Variants in FMNL3 observed in about 807,000 individuals in gnomAD.
FMNL3 encodes formin-like protein 3.
A neutral mutation model predicts 119.6 loss-of-function variants in FMNL3; 57 were observed. That is an observed-to-expected ratio of 0.48 (90% CI 0.39 to 0.59). FMNL3 has a LOEUF of 0.59. FMNL3 is among the 20% of genes least tolerant of loss of function. The probability of loss-of-function intolerance (pLI) is 0.00; values close to 1 mark genes in which losing one functional copy is unlikely to be tolerated. For synonymous variants in FMNL3, 491 were observed against 507.3 expected (o/e 0.97, Z 0.43); for missense variants, 1,053 against 1,323.5 (o/e 0.80, Z 3.17).
At chr12:49,659,770 T>A in intron 5 of FMNL3, 1 of 985,360 alleles carries the variant, frequency 1.0e-6, no homozygotes, top group Non-Finnish European at 1.2e-6. Context: ...GATCACAAAC[T>A]CACAGGGACT....
In FMNL3 at chr12:49,642,612, T is replaced by TGAGCAGATCACCCTGGAGTCG. The variant is rs1942824699; in HGVS notation, c.*3182_*3202dup. The TGAGCAGATCACCCTGGAGTCG allele has an allele frequency of 6.2e-7, 1 of 1,614,106 alleles. No individual in the cohort carries two copies. ...AGCGTTTTGTGTGTGACTCAGCCTT[T>TGAGCAGATCACCCTGGAGTCG]GAGCAGATCACCCTGGAGTCGGAGC... is the stretch of plus-strand genomic sequence containing the variant. On this transcript the variant is annotated 3_prime_UTR_variant, in exon 26 of 26. Coordinates refer to ENST00000335154, the MANE Select transcript of FMNL3 (RefSeq NM_175736.5). The surrounding 1 kb of genome is among the most constrained non-coding windows in gnomAD (Gnocchi z 5.8).
Position 49,649,976 on chromosome 12 carries a change from C to T in FMNL3, c.2001-51G>A. On this transcript the variant is annotated intron_variant, in intron 17 of 25. Transcript: ENST00000335154. The surrounding 1 kb of genome is among the most constrained non-coding windows in gnomAD (Gnocchi z 5.6). ...AGTTCTCACATCTCTCCACGTTTTC[C>T]CTCATCCCTTTTATTCTCCAAGCTC... 6.6e-7 allele frequency: 1 copy of T among 1,505,846 alleles called. No homozygotes were observed. The highest frequency in any genetic ancestry group is 9.1e-7 in the Non-Finnish European group (1 of 1,101,726). The allele number at this position is 1,505,846 out of a possible 1,614,324, so 93.3% of individuals were successfully genotyped here.
chr12:49,651,257 G>T lies in FMNL3; in HGVS notation c.1708C>A (p.Arg570=). The T allele has an allele frequency of 6.2e-7, 1 of 1,613,290 alleles. No homozygotes were observed. The highest frequency in any genetic ancestry group is 2.2e-5 in the East Asian group (1 of 44,838). Residue 570 remains arginine, a synonymous_variant, in exon 16 of 26, where the codon CGG becomes AGG. Coordinates refer to ENST00000335154, the MANE Select transcript of FMNL3 (RefSeq NM_175736.5). ...GCTGTCCAGTTGAAGACAGGCAGCCGGAACTTGGTCTTGATAGGTTTCTTA... is the reference window on the plus strand; with the variant it reads ...GCTGTCCAGTTGAAGACAGGCAGCCTGAACTTGGTCTTGATAGGTTTCTTA... The part of the protein sequence containing the change: ...RIKKPIKTKF[R]LPVFNWTALK...
At chr12:49,701,225 A>G (rs992105099) in intron 1 of FMNL3, among the ~76,000 whole-genome samples, 2 of 152,166 alleles carry the variant, frequency 1.3e-5, no homozygotes, top group East Asian at 3.8e-4. Context: ...CACGTACATC[A>G]AAGTGTTAAT....
chr12:49,698,519 AC>A (rs146667735), intron 1 of FMNL3, among the ~76,000 whole-genome samples: 30,350 of 148,042 alleles, frequency 0.21, 5,100 homozygotes, highest in African/African-American at 0.47. Flanking sequence ...ACTGCTCCCC[AC>A]CCCCAAAAAA....
chr12:49,672,477 G>A (rs893833349), intron 1 of FMNL3, among the ~76,000 whole-genome samples: 3 of 152,220 alleles, frequency 2.0e-5, no homozygotes, highest in Non-Finnish European at 4.4e-5. Context: ...ATGGGAAGAA[G>A]CCGAAAGGCA....
chr12:49,646,899 C>T lies in FMNL3; in HGVS notation c.2982G>A (p.Glu994=), dbSNP rs1282150077. The T allele has an allele frequency of 6.2e-7, 1 of 1,613,902 alleles. No individual in the cohort carries two copies. The highest frequency in any genetic ancestry group is 8.5e-7 in the Non-Finnish European group (1 of 1,179,948). ...AAAGGGCCCCACCTGTGATGATGTC[C>T]TCGATGGTACCATCCTTCCCCTCAT... is the stretch of plus-strand genomic sequence containing the variant. The part of the protein sequence containing the change: ...PVYEGKDGTI[E]DIITGLHCQP... The change falls in exon 25 of 26, where the codon GAG becomes GAA. Residue 994 remains glutamate (E), a synonymous_variant. Transcript: ENST00000335154.
chr12:49,677,667 A>G lies in FMNL3; in HGVS notation c.127-9113T>C, dbSNP rs563079710. On this transcript the variant is annotated intron_variant, in intron 1 of 25. Transcript: ENST00000335154. ...GCTAGAATTTGGCGATATCAAAATA[A>G]ATAGGGTATGGTCACTACATTCAGA... Among the ~76,000 whole-genome samples, 14 of 152,306 alleles carry G rather than the reference A, an allele frequency of 9.2e-5. No individual in the cohort carries two copies. In the South Asian group the frequency reaches 1.2e-3, roughly 14 times the overall value.
In FMNL3 at chr12:49,681,201, CATTTT is replaced by C. The variant is rs1434557446; in HGVS notation, c.127-12652_127-12648del. Among the ~76,000 whole-genome samples, 5 of 152,228 alleles carry C rather than the reference CATTTT, an allele frequency of 3.3e-5. No homozygotes were observed. In the East Asian group the frequency reaches 7.7e-4, roughly 23 times the overall value. On this transcript the variant is annotated intron_variant, in intron 1 of 25. Coordinates refer to ENST00000335154, the MANE Select transcript of FMNL3 (RefSeq NM_175736.5). ...GTGACAAATTCTTACATCTGAGTAG[CATTTT>C]ATTTTATTTTTTGAGACGGAGTCTC...
intron 1 of FMNL3, among the ~76,000 whole-genome samples, chr12:49,705,197 G>C (rs959515207): frequency 6.6e-6 from 1 of 152,130 alleles, no homozygotes; most frequent in Admixed American, 6.5e-5. Context: ...CAGGCACACA[G>C]AAACAAGACC....
intron 1 of FMNL3, among the ~76,000 whole-genome samples, chr12:49,675,348 C>T (rs1012839537): frequency 2.0e-5 from 3 of 152,212 alleles, no homozygotes; most frequent in African/African-American, 2.4e-5. Context: ...TCCCCAGTTA[C>T]GCAGAATGGA....
chr12:49,687,113 G>A (rs1054400992), intron 1 of FMNL3, among the ~76,000 whole-genome samples: 2 of 58,852 alleles, frequency 3.4e-5, no homozygotes, highest in Non-Finnish European at 6.9e-5. Context: ...TTTTTTTTTT[G>A]AGACGGAGTC....
Position 49,646,934 on chromosome 12 carries a change from G to A in FMNL3, c.2947C>T (p.Arg983Trp), listed in dbSNP as rs764731297. 21 of 1,614,074 alleles carry A rather than the reference G, an allele frequency of 1.3e-5. No individual in the cohort carries two copies. Among genetic ancestry groups the A allele is most frequent in the African/African-American group, 2.7e-5 (2 of 75,026 alleles). Reference protein sequence around the residue: ...ELRRRQAKEHRPVYEGKDGTI... With the variant: ...ELRRRQAKEHWPVYEGKDGTI... Reference sequence around the variant, plus strand: ...CCATCCTTCCCCTCATAAACAGGCCGGTGTTCCTTGGCCTGGCGCCGCCTC... The same window carrying A: ...CCATCCTTCCCCTCATAAACAGGCCAGTGTTCCTTGGCCTGGCGCCGCCTC... Residue 983 changes from arginine (R) to tryptophan (W), a missense_variant, in exon 25 of 26, where the codon CGG (arginine) becomes TGG (tryptophan). Physicochemically the swap from Arg to Trp is moderately radical, Grantham distance 101. Transcript: ENST00000335154.
intron 1 of FMNL3, among the ~76,000 whole-genome samples, chr12:49,692,222 G>A (rs971929449): frequency 1.3e-5 from 2 of 151,568 alleles, no homozygotes; most frequent in African/African-American, 4.9e-5. Flanking sequence ...GCATGGTGGT[G>A]CACGCCTGTA....
Position 49,637,876 on chromosome 12 carries a change from C to G in FMNL3, c.*7939G>C. ...ATACAGGATGGATGCAGGGCACACT[C>G]CCTGCAGAGGACTCCCTGATAAGTC... On this transcript the variant is annotated 3_prime_UTR_variant, in exon 26 of 26. Coordinates refer to ENST00000335154, the MANE Select transcript of FMNL3 (RefSeq NM_175736.5). 1 of 1,447,318 alleles carries G rather than the reference C, an allele frequency of 6.9e-7. No individual in the cohort carries two copies. Among genetic ancestry groups the G allele is most frequent in the Non-Finnish European group, 9.7e-7 (1 of 1,033,356 alleles). The allele number at this position is 1,447,318 out of a possible 1,614,324, so 89.7% of individuals were successfully genotyped here.
chr12:49,648,134 C>T (rs904366017), intron 22 of FMNL3, 59 bp downstream of exon 22: 8 of 1,543,874 alleles, frequency 5.2e-6, no homozygotes, highest in South Asian at 2.4e-5. Flanking sequence ...ACTAGGGCCA[C>T]CTAGAGGGGC....
In FMNL3 at chr12:49,649,549, A is replaced by G. The variant is rs1943327733; in HGVS notation, c.2236-11T>C. The stretch of plus-strand genomic sequence containing the variant: ...GATGGCATTGAGTTGCTGTAGGACA[A>G]TATGAACACTGAAGTAACCCCAGGC... On this transcript the variant is annotated splice_polypyrimidine_tract_variant and intron_variant, in intron 18 of 25. Transcript: ENST00000335154. This position sits in a 1 kb window ranked among gnomAD's most constrained non-coding sequence, Gnocchi z 5.6. 2 of 1,614,016 alleles carry G rather than the reference A, an allele frequency of 1.2e-6. No homozygotes were observed. Among genetic ancestry groups the G allele is most frequent in the Non-Finnish European group, 1.7e-6 (2 of 1,180,052 alleles).
At chr12:49,688,517 G>A in intron 1 of FMNL3, 1 of 455,968 alleles carries the variant, frequency 2.2e-6, no homozygotes, top group Non-Finnish European at 4.4e-6. Context: ...TTCCTCAAAT[G>A]TGCAAAGTTC....
chr12:49,679,062 C>G (rs928013921), intron 1 of FMNL3, among the ~76,000 whole-genome samples: 9 of 152,076 alleles, frequency 5.9e-5, no homozygotes, highest in Non-Finnish European at 1.3e-4. Context: ...ATGAAAAAAG[C>G]TAACATTTAT....
Sources: gnomAD v4.1 joint callset for allele counts (sites outside exome capture counted in the v4.1 genomes callset) on GRCh38, gnomAD v4.1.1 for gene constraint, Gnocchi (gnomAD v3.1) non-coding constraint, MANE v1.5 for transcripts, NCBI Gene and HGNC (gene_info 2026-07-23, HGNC 2026-07-21) for gene names.